Variants in OSBPL11 observed in about 807,000 individuals in gnomAD.
OSBPL11 encodes oxysterol binding protein like 11, also known as oxysterol-binding protein-related protein 11.
OSBPL11 carries 33 observed loss-of-function variants against 84.4 expected under a neutral mutation model. The observed-to-expected ratio is 0.39, with a 90% CI of 0.30 to 0.52. The LOEUF (loss-of-function observed/expected upper bound fraction) is 0.52. OSBPL11 is among the 20% of genes least tolerant of loss of function. The pLI is 0.72. For synonymous variants in OSBPL11, 276 were observed against 310.2 expected (o/e 0.89, Z 1.16); for missense variants, 736 against 901.1 (o/e 0.82, Z 2.35).
chr3:125,576,732 G>A (rs1936330819), intron 4 of OSBPL11, among the ~76,000 whole-genome samples: 1 of 150,892 alleles, frequency 6.6e-6, no homozygotes, highest in Admixed American at 6.6e-5. Flanking sequence ...CACCCAGGCT[G>A]GAGTGCAGTG....
intron 12 of OSBPL11, among the ~76,000 whole-genome samples, chr3:125,531,548 C>G (rs1265448600): frequency 6.6e-6 from 1 of 152,098 alleles, no homozygotes; most frequent in Non-Finnish European, 1.5e-5. Flanking sequence ...GCCTCGGCCT[C>G]GCAAAGTACT....
chr3:125,593,033 T>G (rs554718447), intron 1 of OSBPL11, among the ~76,000 whole-genome samples: 2 of 152,324 alleles, frequency 1.3e-5, no homozygotes, highest in East Asian at 3.8e-4. Flanking sequence ...ACCATTGTGC[T>G]GCAAACAATA....
intron 5 of OSBPL11, among the ~76,000 whole-genome samples, chr3:125,570,117 A>G (rs979805291): frequency 1.3e-5 from 2 of 152,196 alleles, no homozygotes; most frequent in Non-Finnish European, 2.9e-5. Context: ...AACACTTGAA[A>G]GAGAAAATAG....
chr3:125,552,352 C>A lies in OSBPL11; in HGVS notation c.1483G>T (p.Val495Leu). Reference protein sequence around the residue: ...APLSGESLTQVGSDCYTVRFV... With the variant: ...APLSGESLTQLGSDCYTVRFV... The stretch of plus-strand genomic sequence containing the variant: ...CTGACTGTGTAACAGTCTGATCCCA[C>A]CTGGGTCAAAGACTCCCCCGATAAA... Residue 495 changes from valine to leucine, a missense_variant, in exon 9 of 13, where the codon GTG (valine) becomes TTG (leucine). Transcript: ENST00000296220. The A allele has an allele frequency of 3.1e-6, 5 of 1,614,044 alleles. No individual in the cohort carries two copies. Among genetic ancestry groups the A allele is most frequent in the African/African-American group, 1.3e-5 (1 of 75,006 alleles).
rs186167343 is a variant in OSBPL11 at position 125,589,294 on chromosome 3, A to G, written c.164+5343T>C. Among the ~76,000 whole-genome samples the G allele has an allele frequency of 1.7e-4, 25 of 143,428 alleles. 1 individual carries two copies. The East Asian group carries it at 5.1e-3, about 29-fold the overall frequency. 94.1% of individuals were successfully genotyped at this position (143,428 alleles called of 152,430 possible). A position where few individuals can be genotyped will look rare whatever the true frequency, so the allele number is the denominator to read the frequency against. ...GAGGCAGAGGTTGTGGTGAGCCAAG[A>G]TTGCACCATTGTGCTCTAGCCTGGG... On this transcript the variant is annotated intron_variant, in intron 1 of 12. Coordinates refer to ENST00000296220, the MANE Select transcript of OSBPL11 (RefSeq NM_022776.5).
rs577146309 is a variant in OSBPL11 at position 125,572,794 on chromosome 3, A to G, written c.666+3395T>C. 1.7e-3 allele frequency among the ~76,000 whole-genome samples: 250 copies of G among 148,006 alleles called. 1 individual carries two copies. Among genetic ancestry groups the G allele is most frequent in the African/African-American group, 5.6e-3 (229 of 40,724 alleles). Reference sequence around the variant, plus strand: ...GTATGTCTTTATCAGCAGTATGAATATGGACTAATTATATATATATATATT... The same window carrying G: ...GTATGTCTTTATCAGCAGTATGAATGTGGACTAATTATATATATATATATT... On this transcript the variant is annotated intron_variant, in intron 5 of 12. Coordinates refer to ENST00000296220, the MANE Select transcript of OSBPL11 (RefSeq NM_022776.5).
At chr3:125,571,559 C>T (rs959473956) in intron 5 of OSBPL11, among the ~76,000 whole-genome samples, 1 of 152,152 alleles carries the variant, frequency 6.6e-6, no homozygotes, top group Admixed American at 6.5e-5. Flanking sequence ...CCTAGGGTCC[C>T]CATGCTGTGT....
intron 8 of OSBPL11, among the ~76,000 whole-genome samples, chr3:125,555,470 G>T (rs1935979686): frequency 6.6e-6 from 1 of 152,028 alleles, no homozygotes; most frequent in Admixed American, 6.6e-5. Flanking sequence ...AAATTTCAGA[G>T]AACTCAAAAA....
intron 5 of OSBPL11, among the ~76,000 whole-genome samples, chr3:125,575,313 CTA>C (rs535504019): frequency 3.3e-5 from 5 of 151,876 alleles, no homozygotes; most frequent in Non-Finnish European, 4.4e-5. Flanking sequence ...TTTAATGATT[CTA>C]TATGTTTGAA....
At chr3:125,565,995 C>T (rs2107602116) in intron 6 of OSBPL11, among the ~76,000 whole-genome samples, 1 of 152,068 alleles carries the variant, frequency 6.6e-6, no homozygotes, top group East Asian at 1.9e-4. Flanking sequence ...TTGGTAGTAG[C>T]ACCCTACACG....
intron 11 of OSBPL11, among the ~76,000 whole-genome samples, chr3:125,536,062 G>A (rs1935636337): frequency 6.6e-6 from 1 of 150,820 alleles, no homozygotes; most frequent in South Asian, 2.1e-4. Context: ...TTGAGCCCAG[G>A]AGGCAGAGGT....
At chr3:125,552,141 GTATA>G (rs10541213) in intron 9 of OSBPL11, 36 bp downstream of exon 9, 358,159 of 865,616 alleles carry the variant, frequency 0.41, 65,687 homozygotes, top group African/African-American at 0.68. Flanking sequence ...ATGTGTGTGT[GTATA>G]TATATATATA....
intron 10 of OSBPL11, among the ~76,000 whole-genome samples, chr3:125,539,616 A>AT (rs1017879539): frequency 1.3e-5 from 2 of 151,620 alleles, no homozygotes; most frequent in African/African-American, 2.4e-5. Flanking sequence ...TGCCCAGCTA[A>AT]TTTTTTTATT....
intron 8 of OSBPL11, among the ~76,000 whole-genome samples, chr3:125,559,620 G>A (rs2107599029): frequency 6.6e-6 from 1 of 152,206 alleles, no homozygotes; most frequent in South Asian, 2.1e-4. Flanking sequence ...GACCTCAAGT[G>A]ATCCGCCCAC....
chr3:125,543,667 A>G (rs577641634), intron 10 of OSBPL11, among the ~76,000 whole-genome samples: 51 of 152,074 alleles, frequency 3.4e-4, no homozygotes, highest in East Asian at 7.8e-4. Context: ...TTGAGAGGCC[A>G]AGGTGGGCAG....
chr3:125,552,139 GTGTA>G lies in OSBPL11; in HGVS notation c.1654+38_1654+41del, dbSNP rs756973883. The stretch of plus-strand genomic sequence containing the variant: ...AAAAAATACATATATATATGTGTGT[GTGTA>G]TATATATATATATATATAAAATAAT... On this transcript the variant is annotated intron_variant, in intron 9 of 12. Transcript: ENST00000296220. 9.5e-5 allele frequency: 95 copies of G among 1,001,568 alleles called. No individual in the cohort carries two copies. The African/African-American group carries it at 1.1e-3, about 11-fold the overall frequency. 62.0% of individuals were successfully genotyped at this position (1,001,568 alleles called of 1,614,324 possible). A position where few individuals can be genotyped will look rare whatever the true frequency, so the allele number is the denominator to read the frequency against.
chr3:125,583,396 C>A (rs1231454763), intron 1 of OSBPL11, among the ~76,000 whole-genome samples: 1 of 151,774 alleles, frequency 6.6e-6, no homozygotes, highest in Non-Finnish European at 1.5e-5. Flanking sequence ...GCCTGGTCAA[C>A]ATGGCGAAAA....
intron 5 of OSBPL11, among the ~76,000 whole-genome samples, chr3:125,570,000 CTT>C (rs1936219591): frequency 6.6e-6 from 1 of 152,064 alleles, no homozygotes; most frequent in Admixed American, 6.6e-5. Context: ...AAGAGGCACA[CTT>C]ATAATTTGTG....
intron 3 of OSBPL11, 41 bp from the exon 4 acceptor site, chr3:125,579,080 C>A: frequency 7.3e-7 from 1 of 1,374,648 alleles, no homozygotes. Context: ...TTTATTTATT[C>A]TGGAACACAA....
Sources: allele counts gnomAD v4.1 joint callset (sites outside exome capture counted in the v4.1 genomes callset), GRCh38; gene constraint gnomAD v4.1.1; transcripts MANE v1.5; gene names NCBI Gene and HGNC (gene_info 2026-07-23, HGNC 2026-07-21).